The following RB1 variants were observed in gnomAD, a reference collection of about 807,000 sequenced individuals.
The protein encoded by RB1 is retinoblastoma-associated protein.
In RB1, 18 loss-of-function variants were observed where a neutral mutation model predicts 135.4. The ratio of observed to expected loss-of-function variants is 0.13; its 90% CI spans 0.09 to 0.20. The LOEUF (loss-of-function observed/expected upper bound fraction) is 0.20, where lower values mean the gene tolerates loss of function less well. Among genes scored for constraint, RB1 ranks in the 10% least tolerant of loss-of-function variants. The pLI is 1.00. For synonymous variants in RB1, 365 were observed against 373.2 expected (o/e 0.98, Z 0.25); for missense variants, 868 against 1,110.0 (o/e 0.78, Z 3.10).
At chr13:48,479,639 G>T (rs1415674664) in intron 26 of RB1, among the ~76,000 whole-genome samples, 2 of 151,758 alleles carry the variant, frequency 1.3e-5, no homozygotes, top group South Asian at 4.2e-4. Flanking sequence ...CTGTTTTTTT[G>T]GGGGGTGGGG....
At chr13:48,307,459 A>C in intron 2 of RB1, 53 bp downstream of exon 2, 1 of 1,499,212 alleles carries the variant, frequency 6.7e-7, no homozygotes, top group Non-Finnish European at 9.3e-7. Context: ...TTTAAAAACA[A>C]CTTCAAATCA....
At chr13:48,472,012 C>G (rs984472582) in intron 23 of RB1, among the ~76,000 whole-genome samples, 3 of 152,154 alleles carry the variant, frequency 2.0e-5, no homozygotes, top group Non-Finnish European at 4.4e-5. Flanking sequence ...TATGCAACTA[C>G]AAATCATTAT....
chr13:48,465,481 C>G, intron 23 of RB1, 113 bp downstream of exon 23: 2 of 1,123,124 alleles, frequency 1.8e-6, no homozygotes, highest in Non-Finnish European at 2.6e-6. Context: ...TCTTGAAACT[C>G]TATTTGCTTA....
intron 12 of RB1, 35 bp downstream of exon 12, chr13:48,373,527 T>C (rs749295721): frequency 3.7e-5 from 50 of 1,357,418 alleles, no homozygotes; most frequent in Non-Finnish European, 5.3e-5. Context: ...TATTGTAATA[T>C]CTTGGCAAAG....
chr13:48,322,197 C>T (rs1272088597), intron 2 of RB1, among the ~76,000 whole-genome samples: 1 of 152,160 alleles, frequency 6.6e-6, no homozygotes, highest in East Asian at 1.9e-4. Flanking sequence ...GCATAATGGC[C>T]TCCATGTCCA....
At chr13:48,403,493 A>G (rs1172375118) in intron 17 of RB1, among the ~76,000 whole-genome samples, 1 of 152,118 alleles carries the variant, frequency 6.6e-6, no homozygotes, top group Admixed American at 6.5e-5. Flanking sequence ...AGAGAAAACC[A>G]CAGCACACAA....
rs189602901 is a variant in RB1, at chr13:48,423,166, A to G, written c.1696-29827A>G. The stretch of plus-strand genomic sequence containing the variant: ...TAAATAAATAAAAAGAATGAAATAT[A>G]GTGAATTTCATTATGTAATGCATCG... On this transcript the variant is annotated intron_variant, in intron 17 of 26. Transcript: ENST00000267163. Among the ~76,000 whole-genome samples, 62 of 152,334 alleles carry G rather than the reference A, an allele frequency of 4.1e-4. 1 individual carries two copies. Among genetic ancestry groups the G allele is most frequent in the Non-Finnish European group, 7.2e-4 (49 of 68,034 alleles).
At chr13:48,338,109 A>T (rs1486299063) in intron 2 of RB1, among the ~76,000 whole-genome samples, 1 of 152,188 alleles carries the variant, frequency 6.6e-6, no homozygotes, top group Non-Finnish European at 1.5e-5. Flanking sequence ...GGCTGCCTTA[A>T]CATTTTTTCC....
intron 17 of RB1, among the ~76,000 whole-genome samples, chr13:48,431,574 G>A (rs2138278812): frequency 6.6e-6 from 1 of 151,952 alleles, no homozygotes. Context: ...TTTTTTTATT[G>A]GTTTTCTAGT....
intron 17 of RB1, among the ~76,000 whole-genome samples, chr13:48,448,979 T>A (rs1055023447): frequency 1.3e-5 from 2 of 152,248 alleles, no homozygotes; most frequent in Non-Finnish European, 2.9e-5. Flanking sequence ...ATGGCTTTTT[T>A]AAAACTTGTT....
intron 17 of RB1, among the ~76,000 whole-genome samples, chr13:48,440,904 A>G (rs187737096): frequency 6.6e-6 from 1 of 152,306 alleles, no homozygotes; most frequent in African/African-American, 2.4e-5. Context: ...AGAATGCCCT[A>G]TATTGTAATA....
chr13:48,413,871 G>A (rs1948861384), intron 17 of RB1, among the ~76,000 whole-genome samples: 1 of 151,982 alleles, frequency 6.6e-6, no homozygotes, highest in African/African-American at 2.4e-5. Context: ...TTGAAATAAG[G>A]TTTAGAGAAT....
chr13:48,428,612 A>G (rs963519221), intron 17 of RB1, among the ~76,000 whole-genome samples: 1 of 152,268 alleles, frequency 6.6e-6, no homozygotes, highest in African/African-American at 2.4e-5. Flanking sequence ...AGACTTTTTA[A>G]AACACTAAAT....
intron 13 of RB1, among the ~76,000 whole-genome samples, chr13:48,377,312 A>G (rs1952837517): frequency 6.6e-6 from 1 of 152,182 alleles, no homozygotes; most frequent in Admixed American, 6.5e-5. Context: ...TTTGATATTA[A>G]ATTTTTGATT....
At chr13:48,368,919 T>C (rs1488725026) in intron 11 of RB1, among the ~76,000 whole-genome samples, 1 of 152,040 alleles carries the variant, frequency 6.6e-6, no homozygotes, top group Non-Finnish European at 1.5e-5. Flanking sequence ...GGCAGGAGAA[T>C]TGCTTGAACC....
In RB1 at chr13:48,333,868, C is replaced by T. The variant is rs548978142; in HGVS notation, c.265-8731C>T. Reference sequence around the variant, plus strand: ...TTGGGGTAAAGTAGTGAATTAGATACAATATTTCTGCCTTCAGGATGCTTA... The same window carrying T: ...TTGGGGTAAAGTAGTGAATTAGATATAATATTTCTGCCTTCAGGATGCTTA... On this transcript the variant is annotated intron_variant, in intron 2 of 26. Coordinates refer to ENST00000267163, the MANE Select transcript of RB1 (RefSeq NM_000321.3). Among the ~76,000 whole-genome samples the T allele has an allele frequency of 4.9e-4, 74 of 151,678 alleles. 1 individual carries two copies. The highest frequency in any genetic ancestry group is 2.3e-3 in the South Asian group (11 of 4,818).
chr13:48,380,335 T>A, intron 16 of RB1, 94 bp downstream of exon 16: 2 of 936,614 alleles, frequency 2.1e-6, no homozygotes, highest in Non-Finnish European at 3.4e-6. Context: ...AGTGTGAGGT[T>A]AAGGAGAAGG....
chr13:48,416,531 G>C (rs1024278229), intron 17 of RB1: 1 of 152,688 alleles, frequency 6.5e-6, no homozygotes, highest in Admixed American at 6.5e-5. Flanking sequence ...CGAGCTAGCT[G>C]CAGGATTTTT....
intron 17 of RB1, among the ~76,000 whole-genome samples, chr13:48,405,991 CTGTATTT>C (rs367687716): frequency 3.9e-5 from 6 of 151,976 alleles, no homozygotes; most frequent in African/African-American, 1.4e-4. Context: ...CTGCATAGTA[CTGTATTT>C]TGTATATATA....
Sources: gnomAD v4.1 joint callset for allele counts (sites outside exome capture counted in the v4.1 genomes callset) on GRCh38, gnomAD v4.1.1 for gene constraint, MANE v1.5 for transcripts, NCBI Gene and HGNC (gene_info 2026-07-23, HGNC 2026-07-21) for gene names.